SHISA6: variants seen among roughly 807,000 people sequenced by gnomAD.
The protein encoded by SHISA6 is shisa family member 6, also known as protein shisa-6.
Under a neutral mutation model 47.9 loss-of-function variants are expected in SHISA6, and 22 were observed. The ratio of observed to expected loss-of-function variants is 0.46; its 90% CI spans 0.33 to 0.66. The LOEUF is 0.66. Among genes scored for constraint, SHISA6 ranks in the 30% least tolerant of loss-of-function variants. The pLI, the probability that SHISA6 is intolerant of heterozygous loss-of-function variation, is 0.02. For synonymous variants in SHISA6, 388 were observed against 337.8 expected, an observed-to-expected ratio of 1.15 and a Z score of -1.63; for missense variants, 680 against 764.6, an observed-to-expected ratio of 0.89 and a Z score of 1.30.
Position 11,288,550 on chromosome 17 carries a change from C to T in SHISA6, c.799+25024C>T, listed in dbSNP as rs546394235. On this transcript the variant is annotated intron_variant, in intron 2 of 5. Transcript: ENST00000441885. Reference sequence around the variant, plus strand: ...AGCCTGGGCAACATAGCAAGCTATGCCTCTGTTTAAAAACAAAACTAAAAA... The same window carrying T: ...AGCCTGGGCAACATAGCAAGCTATGTCTCTGTTTAAAAACAAAACTAAAAA... 2.0e-5 allele frequency: 3 copies of T among 152,178 alleles called. No individual in the cohort carries two copies. In the South Asian group the frequency reaches 6.2e-4, roughly 32 times the overall value. The allele number at this position is 152,178 out of a possible 1,614,324, so 9.4% of individuals were successfully genotyped here.
At chr17:11,525,123 G>T (rs1354766246) in intron 3 of SHISA6, among the ~76,000 whole-genome samples, 1 of 152,152 alleles carries the variant, frequency 6.6e-6, no homozygotes, top group African/African-American at 2.4e-5. Flanking sequence ...GGTGGAGTAA[G>T]TGAAACACGT....
chr17:11,473,647 A>C (rs901613037), intron 3 of SHISA6, among the ~76,000 whole-genome samples: 34 of 152,160 alleles, frequency 2.2e-4, no homozygotes, highest in Admixed American at 2.2e-3. Flanking sequence ...ATAATTTAGC[A>C]CATAGGAATG....
At chr17:11,514,194 T>C (rs2071563902) in intron 3 of SHISA6, among the ~76,000 whole-genome samples, 1 of 152,218 alleles carries the variant, frequency 6.6e-6, no homozygotes, top group African/African-American at 2.4e-5. Flanking sequence ...GAACACCATC[T>C]AGCTTGACTG....
chr17:11,283,243 T>G (rs139793958), intron 2 of SHISA6, among the ~76,000 whole-genome samples: 1,791 of 152,344 alleles, frequency 0.012, 33 homozygotes, highest in African/African-American at 0.042. Flanking sequence ...GTACATAGTT[T>G]GTAAATGTAT....
intron 1 of SHISA6, among the ~76,000 whole-genome samples, chr17:11,247,415 G>T (rs1429448304): frequency 6.6e-6 from 1 of 152,126 alleles, no homozygotes; most frequent in African/African-American, 2.4e-5. Context: ...CTGCCACCGT[G>T]CTCCTGGCTA....
At position 11,353,144 on chromosome 17, in the gene SHISA6, C is replaced by T. The variant is rs560847575; in HGVS notation, c.800-26270C>T. Among the ~76,000 whole-genome samples, 7 of 151,960 alleles carry T rather than the reference C, an allele frequency of 4.6e-5. 1 individual carries two copies. Among genetic ancestry groups the T allele is most frequent in the South Asian group, 2.1e-4 (1 of 4,800 alleles). ...GGGTCATGCAGAATGTTACAGCTGC[C>T]GGTGCATAATAGTCATAAAAAAGGA... On this transcript the variant is annotated intron_variant, in intron 2 of 5. Transcript: ENST00000441885.
chr17:11,330,489 G>GGA (rs4055800), intron 2 of SHISA6, among the ~76,000 whole-genome samples: 7,582 of 147,396 alleles, frequency 0.051, 514 homozygotes, highest in African/African-American at 0.14. Context: ...GTAATGCTAG[G>GGA]GAGAGAGAGA....
intron 2 of SHISA6, among the ~76,000 whole-genome samples, chr17:11,265,508 G>C (rs1044412457): frequency 7.2e-5 from 11 of 152,024 alleles, no homozygotes; most frequent in Non-Finnish European, 1.6e-4. Context: ...CTGGGCTGTG[G>C]GAGTTGCATA....
intron 2 of SHISA6, among the ~76,000 whole-genome samples, chr17:11,350,338 C>T (rs1369605189): frequency 4.4e-4 from 1 of 2,256 alleles, no homozygotes; most frequent in African/African-American, 4.9e-4. Context: ...TGCCACCACG[C>T]CCGGCTAATT....
intron 1 of SHISA6, among the ~76,000 whole-genome samples, chr17:11,245,274 T>C (rs1907531526): frequency 6.6e-6 from 1 of 152,216 alleles, no homozygotes; most frequent in Non-Finnish European, 1.5e-5. Flanking sequence ...AGGGCAGCCG[T>C]GCCTGCCTTT....
At chr17:11,521,355 T>G (rs933665889) in intron 3 of SHISA6, among the ~76,000 whole-genome samples, 1 of 152,186 alleles carries the variant, frequency 6.6e-6, no homozygotes, top group African/African-American at 2.4e-5. Context: ...TATTCTAAGT[T>G]TGGTCAAAAT....
chr17:11,353,137 C>T (rs1371390310), intron 2 of SHISA6, among the ~76,000 whole-genome samples: 1 of 152,072 alleles, frequency 6.6e-6, no homozygotes, highest in South Asian at 2.1e-4. Context: ...CAGAATGTTA[C>T]AGCTGCCGGT....
At position 11,296,843 on chromosome 17, in the gene SHISA6, G is replaced by A. The variant is rs553443925; in HGVS notation, c.799+33317G>A. Among the ~76,000 whole-genome samples the A allele has an allele frequency of 5.3e-4, 80 of 152,238 alleles. 1 individual carries two copies. Among genetic ancestry groups the A allele is most frequent in the Middle Eastern group, 6.8e-3 (2 of 294 alleles). ...GGAGTAGAAGGAAATCCAGGAGGTT[G>A]TGGTGTCCCAGAAGCTAGAGAAGAG... On this transcript the variant is annotated intron_variant, in intron 2 of 5. Coordinates refer to ENST00000441885, the MANE Select transcript of SHISA6 (RefSeq NM_207386.4).
At chr17:11,308,378 A>C (rs1379205184) in intron 2 of SHISA6, among the ~76,000 whole-genome samples, 1 of 151,686 alleles carries the variant, frequency 6.6e-6, no homozygotes, top group Non-Finnish European at 1.5e-5. Context: ...CCTTCCTCCT[A>C]ACCTCATATG....
intron 2 of SHISA6, among the ~76,000 whole-genome samples, chr17:11,284,597 C>T (rs1169781452): frequency 6.6e-6 from 1 of 152,150 alleles, no homozygotes; most frequent in African/African-American, 2.4e-5. Context: ...GCATTTTCTT[C>T]TCTCTCTGTA....
intron 3 of SHISA6, among the ~76,000 whole-genome samples, chr17:11,469,190 C>A (rs1915880365): frequency 6.6e-6 from 1 of 152,036 alleles, no homozygotes; most frequent in African/African-American, 2.4e-5. Flanking sequence ...TGGTGCCTCA[C>A]CTGGCAAAAG....
At chr17:11,311,332 T>C (rs1180265630) in intron 2 of SHISA6, among the ~76,000 whole-genome samples, 1 of 151,682 alleles carries the variant, frequency 6.6e-6, no homozygotes, top group Non-Finnish European at 1.5e-5. Context: ...CTCTGGCTGT[T>C]GTGTGGACAG....
chr17:11,289,480 C>T (rs998901350), intron 2 of SHISA6: 3 of 151,804 alleles, frequency 2.0e-5, no homozygotes, highest in Non-Finnish European at 4.4e-5. Flanking sequence ...TCCCTTACCA[C>T]CCCTTCCCCA....
In SHISA6 at chr17:11,469,624, C is replaced by A. The variant is rs540799941; in HGVS notation, c.896-82272C>A. Among the ~76,000 whole-genome samples, 8 of 152,240 alleles carry A rather than the reference C, an allele frequency of 5.3e-5. No homozygotes were observed. The East Asian group carries it at 1.5e-3, about 29-fold the overall frequency. ...GTGAGGTTCACGTGATCTAAATGAG[C>A]CTCGTGGGAGGTGTCCTGAGAGTCT... On this transcript the variant is annotated intron_variant, in intron 3 of 5. Coordinates refer to ENST00000441885, the MANE Select transcript of SHISA6 (RefSeq NM_207386.4).
Sources: gnomAD v4.1 joint callset for allele counts (sites outside exome capture counted in the v4.1 genomes callset) on GRCh38, gnomAD v4.1.1 for gene constraint, MANE v1.5 for transcripts, NCBI Gene and HGNC (gene_info 2026-07-23, HGNC 2026-07-21) for gene names.